GPRC5D: variants seen among roughly 807,000 people sequenced by gnomAD.
The protein encoded by GPRC5D is G protein-coupled receptor class C group 5 member D, also known as G protein-coupled receptor family C group 5 member D.
Under a neutral mutation model 29.3 loss-of-function variants are expected in GPRC5D, and 20 were observed. The observed-to-expected ratio is 0.68, with a 90% confidence interval of 0.48 to 0.99. The LOEUF (loss-of-function observed/expected upper bound fraction) is 0.99. Among genes scored for constraint, GPRC5D ranks in the 50% least tolerant of loss-of-function variants. The pLI is 0.00. For synonymous variants in GPRC5D, 178 were observed against 171.3 expected (o/e 1.04, Z -0.30); for missense variants, 384 against 423.6 (o/e 0.91, Z 0.82).
chr12:12,947,121 G>T (rs562472033), intron 1 of GPRC5D: 1 of 152,328 alleles, frequency 6.6e-6, no homozygotes, highest in South Asian at 2.1e-4. Context: ...GGATCAGTGG[G>T]TATCCTTGCT....
chr12:12,945,888 A>G (rs1353402157), intron 1 of GPRC5D, among the ~76,000 whole-genome samples: 4 of 152,242 alleles, frequency 2.6e-5, no homozygotes, highest in Admixed American at 6.5e-5. Flanking sequence ...AAGTCCAATC[A>G]ATATACAGCT....
In GPRC5D at chr12:12,942,341, G is replaced by T; in HGVS notation, c.896-13C>A. 2 of 1,595,666 alleles carry T rather than the reference G, an allele frequency of 1.3e-6. No individual in the cohort carries two copies. On this transcript the variant is annotated splice_polypyrimidine_tract_variant and intron_variant, in intron 1 of 2. Coordinates refer to ENST00000228887, the Ensembl canonical transcript of GPRC5D. ...TCACTGTCTCGGGCTGAAAGCCAAA[G>T]GAGGGAAGGGCTGGGTTAGTGTCCG...
chr12:12,940,891 A>G (rs922745300), intron 2 of GPRC5D, 42 bp from the exon 4 acceptor site: 7 of 1,258,746 alleles, frequency 5.6e-6, no homozygotes, highest in Admixed American at 3.4e-5. Context: ...CTGAGCAACA[A>G]AAGAAATGAT....
intron 2 of GPRC5D, 39 bp downstream of exon 3, chr12:12,942,222 C>G: frequency 7.6e-7 from 1 of 1,313,646 alleles, no homozygotes; most frequent in Non-Finnish European, 1.1e-6. Context: ...GGAATGCTTG[C>G]TAAGTCCCTC....
chr12:12,943,233 G>GA (rs1204578472), intron 1 of GPRC5D, among the ~76,000 whole-genome samples: 19 of 152,310 alleles, frequency 1.2e-4, no homozygotes, highest in African/African-American at 4.1e-4. Flanking sequence ...GTGAAGACAG[G>GA]AGCTGTGCCT....
exon 1 of GPRC5D, chr12:12,950,009 A>G (rs533511317): frequency 1.7e-5 from 28 of 1,614,102 alleles, no homozygotes; most frequent in South Asian, 4.4e-5. Flanking sequence ...ATTGTCGTCC[A>G]GGAGAAGGAG....
Position 12,942,256 on chromosome 12 carries a change from T to C in GPRC5D, c.963+5A>G, listed in dbSNP as rs376683696. Reference sequence around the variant, plus strand: ...TCCTGGGTGAATATAGGCGAGTACATTTACCTGCGGCTGAATGGGAGTACC... The same window carrying C: ...TCCTGGGTGAATATAGGCGAGTACACTTACCTGCGGCTGAATGGGAGTACC... On this transcript the variant is annotated splice_donor_5th_base_variant and intron_variant, in intron 2 of 2. Coordinates refer to ENST00000228887, the Ensembl canonical transcript of GPRC5D. 2.5e-6 allele frequency: 4 copies of C among 1,587,276 alleles called. No homozygotes were observed. The highest frequency in any genetic ancestry group is 3.5e-6 in the Non-Finnish European group (4 of 1,155,534).
intron 1 of GPRC5D, among the ~76,000 whole-genome samples, chr12:12,943,516 A>G (rs1306045293): frequency 6.6e-6 from 1 of 152,206 alleles, no homozygotes; most frequent in Non-Finnish European, 1.5e-5. Flanking sequence ...GTAAAATGTT[A>G]TATAAAGTCC....
At chr12:12,948,404 G>A (rs918216335) in intron 1 of GPRC5D, 2 of 154,304 alleles carry the variant, frequency 1.3e-5, no homozygotes, top group African/African-American at 4.8e-5. Flanking sequence ...GTATTTATCT[G>A]AACAGGATTT....
At chr12:12,943,862 G>A (rs967658516) in intron 1 of GPRC5D, among the ~76,000 whole-genome samples, 2 of 152,170 alleles carry the variant, frequency 1.3e-5, no homozygotes, top group Non-Finnish European at 1.5e-5. Flanking sequence ...TTACCAAAAG[G>A]CTGAGCGTTT....
At position 12,944,836 on chromosome 12, in the gene GPRC5D, TCCTTCC is replaced by T. The variant is rs1565477277; in HGVS notation, c.896-2514_896-2509del. Among the ~76,000 whole-genome samples the T allele has an allele frequency of 1.4e-3, 50 of 35,624 alleles. 3 individuals are homozygous for T. The highest frequency in any genetic ancestry group is 2.7e-3 in the African/African-American group (43 of 15,688). The allele number at this position is 35,624 out of a possible 152,430, so 23.4% of individuals were successfully genotyped here. On this transcript the variant is annotated intron_variant, in intron 1 of 2. Transcript: ENST00000228887. ...TTCCTTCCTTCCTTCCTTCCTTCCTTCCTTCCTTCCTTCCTTCTTTCTTTCTTTCTT... is the reference window on the plus strand; with the variant it reads ...TTCCTTCCTTCCTTCCTTCCTTCCTTTTCCTTCCTTCTTTCTTTCTTTCTT...
At chr12:12,944,806 C>T (rs1259691066) in intron 1 of GPRC5D, among the ~76,000 whole-genome samples, 60 of 5,924 alleles carry the variant, frequency 0.01, 3 homozygotes, top group East Asian at 0.073. Context: ...CCTTCCCTTC[C>T]TTCCTTCCTT....
chr12:12,950,542 C>T, upstream of GPRC5D: 1 of 604,500 alleles, frequency 1.7e-6, no homozygotes, highest in South Asian at 2.0e-5. Context: ...TGCGGTGGCT[C>T]ACTCCTGTTA....
At chr12:12,951,200 A>C (rs144073218), upstream of GPRC5D, among the ~76,000 whole-genome samples, 11 of 152,292 alleles carry the variant, frequency 7.2e-5, no homozygotes, top group African/African-American at 2.4e-4. Flanking sequence ...TACCTACAAG[A>C]ATGCCTATTG....
intron 1 of GPRC5D, chr12:12,947,253 T>A (rs1251477720): frequency 1.3e-5 from 2 of 152,218 alleles, no homozygotes; most frequent in African/African-American, 2.4e-5. Context: ...GTTGTTTCCC[T>A]ACTATCAGCT....
At chr12:12,942,506 A>G (rs1444152593) in intron 1 of GPRC5D, among the ~76,000 whole-genome samples, 178 bp from the exon 3 acceptor site, 1 of 152,198 alleles carries the variant, frequency 6.6e-6, no homozygotes, top group African/African-American at 2.4e-5. Context: ...AGGCCAAGAC[A>G]GGCGGATCAC....
upstream of GPRC5D, chr12:12,950,494 T>A: frequency 1.3e-6 from 1 of 757,392 alleles, no homozygotes; most frequent in Non-Finnish European, 2.2e-6. Context: ...AAAGTAATTG[T>A]GCTTTTTGCT....
exon 3 of GPRC5D, chr12:12,940,842 T>C (rs1240070512): frequency 6.3e-7 from 1 of 1,595,430 alleles, no homozygotes; most frequent in East Asian, 2.2e-5. Context: ...TTGTGTGGGA[T>C]CAACAGTCTG....
exon 1 of GPRC5D, chr12:12,950,374 T>A (rs145412022): frequency 1.2e-6 from 2 of 1,600,428 alleles, no homozygotes; most frequent in Middle Eastern, 1.7e-4. Flanking sequence ...CTCGATGCAG[T>A]CCTTGTACAT....
Sources: allele counts gnomAD v4.1 joint callset (sites outside exome capture counted in the v4.1 genomes callset), GRCh38; gene constraint gnomAD v4.1.1; transcripts MANE v1.5; gene names NCBI Gene and HGNC (gene_info 2026-07-23, HGNC 2026-07-21).